The following SLFN5 variants were observed in gnomAD, a reference collection of about 807,000 sequenced individuals.
The protein encoded by SLFN5 is schlafen family member 5.
In SLFN5, 34 loss-of-function variants were observed where a neutral mutation model predicts 48.5. That is an observed-to-expected ratio of 0.70 (90% CI 0.53 to 0.93). The LOEUF is 0.93. Ranked by LOEUF, SLFN5 falls within the 40% of genes least tolerant of loss-of-function variation. The probability of loss-of-function intolerance (pLI) is 0.00; values close to 1 mark genes in which losing one functional copy is unlikely to be tolerated. For synonymous variants in SLFN5, 387 were observed against 396.2 expected (o/e 0.98, Z 0.28); for missense variants, 1,006 against 1,071.3 (o/e 0.94, Z 0.85).
Position 35,266,146 on chromosome 17 carries a change from G to A in SLFN5, c.*258G>A, listed in dbSNP as rs1442631170. 6 of 127,944 alleles carry A rather than the reference G, an allele frequency of 4.7e-5. No individual in the cohort carries two copies. In the East Asian group the frequency reaches 1.3e-3, roughly 28 times the overall value. The allele number at this position is 127,944 out of a possible 1,614,324, so 7.9% of individuals were successfully genotyped here. A position where few individuals can be genotyped will look rare whatever the true frequency, so the allele number is the denominator to read the frequency against. On this transcript the variant is annotated 3_prime_UTR_variant, in exon 5 of 5. Transcript: ENST00000299977. The stretch of plus-strand genomic sequence containing the variant: ...AGAGGACCGTGAGACTCAGAGATGT[G>A]TGTGTGTGTGTGTGTGTGTGTGTGT...
Position 35,273,112 on chromosome 17 carries a change from T to C in SLFN5, c.*7224T>C, listed in dbSNP as rs1399131496. 1 of 152,182 alleles carries C rather than the reference T, an allele frequency of 6.6e-6. No individual in the cohort carries two copies. Among genetic ancestry groups the C allele is most frequent in the Non-Finnish European group, 1.5e-5 (1 of 68,024 alleles). The allele number at this position is 152,182 out of a possible 1,614,324, so 9.4% of individuals were successfully genotyped here. On this transcript the variant is annotated 3_prime_UTR_variant, in exon 5 of 5. Coordinates refer to ENST00000299977, the MANE Select transcript of SLFN5 (RefSeq NM_144975.4). Reference sequence around the variant, plus strand: ...TTTTTGGCATATCAGCACATGATAATACTATGAAGCCATAAAAAAGAGAGA... The same window carrying C: ...TTTTTGGCATATCAGCACATGATAACACTATGAAGCCATAAAAAAGAGAGA...
intron 4 of SLFN5, 40 bp downstream of exon 4, chr17:35,264,943 A>T: frequency 6.5e-7 from 1 of 1,538,020 alleles, no homozygotes; most frequent in Non-Finnish European, 8.7e-7. Flanking sequence ...TTCTTGAGTG[A>T]CTGTGGCTGG....
rs960522218 is a variant in SLFN5, at chr17:35,267,364, C to A, written c.*1476C>A. On this transcript the variant is annotated 3_prime_UTR_variant, in exon 5 of 5. Coordinates refer to ENST00000299977, the MANE Select transcript of SLFN5 (RefSeq NM_144975.4). ...GCAAAGAATGGAGTTCAACCTTACACTATAAACATCTAATAGATATGTATG... is the reference window on the plus strand; with the variant it reads ...GCAAAGAATGGAGTTCAACCTTACAATATAAACATCTAATAGATATGTATG... The A allele has an allele frequency of 2.6e-5, 4 of 152,102 alleles. No homozygotes were observed. The highest frequency in any genetic ancestry group is 9.7e-5 in the African/African-American group (4 of 41,386). The allele number at this position is 152,102 out of a possible 1,614,324, so 9.4% of individuals were successfully genotyped here.
chr17:35,251,181 G>C (rs1173004057), intron 1 of SLFN5, among the ~76,000 whole-genome samples: 1 of 152,208 alleles, frequency 6.6e-6, no homozygotes, highest in Non-Finnish European at 1.5e-5. Flanking sequence ...GAGCGATGTA[G>C]AGAAGCCCTT....
rs576102135 is a variant in SLFN5 at position 35,265,375 on chromosome 17, C to A, written c.2163C>A (p.Tyr721Ter). 6.2e-7 allele frequency: 1 copy of A among 1,614,166 alleles called. No homozygotes were observed. The highest frequency in any genetic ancestry group is 8.5e-7 in the Non-Finnish European group (1 of 1,180,044). The change falls in exon 5 of 5, where the codon TAC becomes TAA. Residue 721 changes from tyrosine to a stop codon, truncating the protein, a stop_gained. Coordinates refer to ENST00000299977, the MANE Select transcript of SLFN5 (RefSeq NM_144975.4). LOFTEE classifies it low-confidence loss of function (END_TRUNC). ...GCAATGCAGGTCCAATAGCTAATTA[C>A]CTACAACAAGTAATGCAGGAAGCCC... ...VVRNAGPIAN[Y>*]LQQVMQEARQ...
chr17:35,273,143 A>G lies in SLFN5; in HGVS notation c.*7255A>G, dbSNP rs934655175. The stretch of plus-strand genomic sequence containing the variant: ...GAAGCCATAAAAAAGAGAGATCTCT[A>G]TATGTATTGATGGGGGACCATCTTT... On this transcript the variant is annotated 3_prime_UTR_variant, in exon 5 of 5. Transcript: ENST00000299977. 3 of 152,186 alleles carry G rather than the reference A, an allele frequency of 2.0e-5. No homozygotes were observed. Among genetic ancestry groups the G allele is most frequent in the Non-Finnish European group, 2.9e-5 (2 of 68,008 alleles). 9.4% of individuals were successfully genotyped at this position (152,186 alleles called of 1,614,324 possible).
At chr17:35,261,117 G>C (rs747235849) in intron 3 of SLFN5, 21 bp downstream of exon 3, 3 of 1,610,254 alleles carry the variant, frequency 1.9e-6, no homozygotes. Context: ...ATCTCTGGTT[G>C]CTTTGGAATA....
chr17:35,249,388 T>C (rs935429865), intron 1 of SLFN5, among the ~76,000 whole-genome samples: 8 of 152,196 alleles, frequency 5.3e-5, no homozygotes, highest in Admixed American at 5.2e-4. Flanking sequence ...TTCAGATCAA[T>C]GAGGGTGCTC....
Position 35,264,686 on chromosome 17 carries a change from C to G in SLFN5, c.1642C>G (p.Leu548Val), listed in dbSNP as rs1201352342. The change falls in exon 4 of 5, where the codon CTG becomes GTG. Residue 548 changes from leucine to valine, a missense_variant. Transcript: ENST00000299977. ...GTTCAAATCCTTCTTAAGTGAAGAG[C>G]TGGGCTCTGAGGTTTTGAACCTACT... Reference protein sequence around the residue: ...LGFKSFLSEELGSEVLNLLTN... With the variant: ...LGFKSFLSEEVGSEVLNLLTN... 7 of 1,612,264 alleles carry G rather than the reference C, an allele frequency of 4.3e-6. No homozygotes were observed. In the South Asian group the frequency reaches 7.7e-5, roughly 18 times the overall value.
chr17:35,244,530 G>C (rs996255559), intron 1 of SLFN5, among the ~76,000 whole-genome samples: 1 of 152,270 alleles, frequency 6.6e-6, no homozygotes, highest in South Asian at 2.1e-4. Context: ...AAAAGAAGCC[G>C]ATTCCTAATC....
Position 35,264,778 on chromosome 17 carries a change from C to A in SLFN5, c.1734C>A (p.Gly578=). 1 of 1,597,700 alleles carries A rather than the reference C, an allele frequency of 6.3e-7. No individual in the cohort carries two copies. The highest frequency in any genetic ancestry group is 8.5e-7 in the Non-Finnish European group (1 of 1,173,966). The change falls in exon 4 of 5, where the codon GGC becomes GGA. Residue 578 remains glycine (G), a synonymous_variant. Coordinates refer to ENST00000299977, the MANE Select transcript of SLFN5 (RefSeq NM_144975.4). ...LRKTRELFVH[G]LPGSGKTILA... ...AGACCAGAGAGTTGTTTGTTCATGGCTTACCTGGATCAGGGAAGACTATCT... is the reference window on the plus strand; with the variant it reads ...AGACCAGAGAGTTGTTTGTTCATGGATTACCTGGATCAGGGAAGACTATCT...
chr17:35,243,446 A>G (rs1322332036), intron 1 of SLFN5, among the ~76,000 whole-genome samples: 1 of 152,204 alleles, frequency 6.6e-6, no homozygotes, highest in Non-Finnish European at 1.5e-5. Context: ...AAACCTGGCA[A>G]CATTTCCCCA....
Position 35,265,711 on chromosome 17 carries a change from G to T in SLFN5, c.2499G>T (p.Ser833=). The T allele has an allele frequency of 6.2e-7, 1 of 1,614,116 alleles. No homozygotes were observed. Among genetic ancestry groups the T allele is most frequent in the East Asian group, 2.2e-5 (1 of 44,872 alleles). The change falls in exon 5 of 5, where the codon TCG becomes TCT. Residue 833 remains serine (S), a synonymous_variant. Coordinates refer to ENST00000299977, the MANE Select transcript of SLFN5 (RefSeq NM_144975.4). Reference sequence around the variant, plus strand: ...TGTTACTACAGATCGGTGATGCGTCGGATGTTCTAACCGATCACATTGTGT... The same window carrying T: ...TGTTACTACAGATCGGTGATGCGTCTGATGTTCTAACCGATCACATTGTGT... ...SDLLLQIGDA[S]DVLTDHIVLD... is the part of the protein sequence containing the mutation.
intron 1 of SLFN5, among the ~76,000 whole-genome samples, chr17:35,255,001 A>G (rs989543421): frequency 2.2e-4 from 34 of 152,302 alleles, no homozygotes; most frequent in Admixed American, 2.0e-3. Context: ...TGGGCAATAG[A>G]GCGAGGCTCT....
At chr17:35,244,365 A>G (rs1165352686) in intron 1 of SLFN5, among the ~76,000 whole-genome samples, 1 of 151,990 alleles carries the variant, frequency 6.6e-6, no homozygotes, top group African/African-American at 2.4e-5. Flanking sequence ...GATGGGGGGA[A>G]CTTTTCAATA....
At chr17:35,257,088 T>A (rs1439519744) in intron 1 of SLFN5, among the ~76,000 whole-genome samples, 1 of 152,046 alleles carries the variant, frequency 6.6e-6, no homozygotes, top group African/African-American at 2.4e-5. Flanking sequence ...TGAAACCATC[T>A]CCTCACCAAC....
At chr17:35,262,351 G>C (rs1287982483) in intron 3 of SLFN5, among the ~76,000 whole-genome samples, 1 of 147,642 alleles carries the variant, frequency 6.8e-6, no homozygotes, top group African/African-American at 2.5e-5. Context: ...CTGCACTCCA[G>C]CCTGGGCGAC....
chr17:35,261,646 G>A (rs1904522349), intron 3 of SLFN5, among the ~76,000 whole-genome samples: 1 of 151,718 alleles, frequency 6.6e-6, no homozygotes, highest in Non-Finnish European at 1.5e-5. Context: ...TGGGATTACA[G>A]GCATGAGCCA....
rs1904734351 is a variant in SLFN5 at position 35,267,621 on chromosome 17, G to A, written c.*1733G>A. On this transcript the variant is annotated 3_prime_UTR_variant, in exon 5 of 5. Transcript: ENST00000299977. ...TGGAGTCCTAGCTACTCAGAAGGCTGAGGCAGGACGATCACTTGACCTCAG... is the reference window on the plus strand; with the variant it reads ...TGGAGTCCTAGCTACTCAGAAGGCTAAGGCAGGACGATCACTTGACCTCAG... The A allele has an allele frequency of 6.6e-6, 1 of 152,196 alleles. No individual in the cohort carries two copies. Among genetic ancestry groups the A allele is most frequent in the African/African-American group, 2.4e-5 (1 of 41,434 alleles). The allele number at this position is 152,196 out of a possible 1,614,324, so 9.4% of individuals were successfully genotyped here.
Sources: gnomAD v4.1 joint callset for allele counts (sites outside exome capture counted in the v4.1 genomes callset) on GRCh38, gnomAD v4.1.1 for gene constraint, MANE v1.5 for transcripts, NCBI Gene and HGNC (gene_info 2026-07-23, HGNC 2026-07-21) for gene names.